KCNT2: variants seen among roughly 807,000 people sequenced by gnomAD.
KCNT2 encodes the protein potassium sodium-activated channel subfamily T member 2, also known as potassium channel subfamily T member 2.
A neutral mutation model predicts 153.8 loss-of-function variants in KCNT2; 67 were observed. That is an observed-to-expected ratio of 0.44 (90% CI 0.36 to 0.53). The LOEUF (loss-of-function observed/expected upper bound fraction) is 0.53. KCNT2 is among the 20% of genes least tolerant of loss of function. The pLI, the probability that KCNT2 is intolerant of heterozygous loss-of-function variation, is 0.00. For missense variants in KCNT2, 975 were observed against 1,354.8 expected, an observed-to-expected ratio of 0.72 and a Z score of 4.40; for synonymous variants, 500 against 458.8, an observed-to-expected ratio of 1.09 and a Z score of -1.15.
intron 7 of KCNT2, 104 bp downstream of exon 7, chr1:196,467,599 T>C (rs576499451): frequency 3.2e-6 from 2 of 631,202 alleles, no homozygotes; most frequent in African/African-American, 3.6e-5. Flanking sequence ...AATTAGAAAG[T>C]TCAAGACTAG....
intron 13 of KCNT2, among the ~76,000 whole-genome samples, chr1:196,373,755 G>A (rs925538155): frequency 2.6e-5 from 4 of 151,766 alleles, no homozygotes; most frequent in Admixed American, 1.3e-4. Context: ...TAGCATAGAA[G>A]AAATATATTT....
chr1:196,252,931 A>G (rs1443554404), intron 26 of KCNT2, among the ~76,000 whole-genome samples: 1 of 151,282 alleles, frequency 6.6e-6, no homozygotes, highest in African/African-American at 2.4e-5. Flanking sequence ...CATTTTACCT[A>G]TATTCCTCAT....
chr1:196,561,218 A>T (rs1026596460), intron 1 of KCNT2, among the ~76,000 whole-genome samples: 6 of 151,850 alleles, frequency 4.0e-5, no homozygotes, highest in African/African-American at 1.4e-4. Context: ...ATTATATCCC[A>T]TAAATATATA....
chr1:196,600,537 T>TGTAA (rs1664607063), intron 1 of KCNT2, among the ~76,000 whole-genome samples: 1 of 152,144 alleles, frequency 6.6e-6, no homozygotes, highest in Non-Finnish European at 1.5e-5. Context: ...AAACTAATGA[T>TGTAA]GTAGTTTGGT....
At chr1:196,602,372 T>G (rs1664819521) in intron 1 of KCNT2, among the ~76,000 whole-genome samples, 1 of 152,198 alleles carries the variant, frequency 6.6e-6, no homozygotes, top group African/African-American at 2.4e-5. Context: ...TAAAAACAGA[T>G]GAACCATCAA....
chr1:196,354,940 A>G (rs562289458), intron 14 of KCNT2, among the ~76,000 whole-genome samples: 3 of 151,846 alleles, frequency 2.0e-5, no homozygotes, highest in Admixed American at 1.3e-4. Context: ...TGCTTTTACT[A>G]TCAATGTTAG....
rs137922718 is a variant in KCNT2, at chr1:196,301,776, G to A, written c.2595+3458C>T. Among the ~76,000 whole-genome samples the A allele has an allele frequency of 7.0e-4, 107 of 152,194 alleles. No individual in the cohort carries two copies. In the East Asian group the frequency reaches 0.019, roughly 27 times the overall value. On this transcript the variant is annotated intron_variant, in intron 22 of 27. Coordinates refer to ENST00000294725, the MANE Select transcript of KCNT2 (RefSeq NM_198503.5). ...TTATTTAGAGACATAGTCTCTCTCT[G>A]TCGCCCAGGCTGGAGTGCAATGGCA...
chr1:196,294,017 T>A (rs1318567935), intron 22 of KCNT2, among the ~76,000 whole-genome samples: 1 of 151,806 alleles, frequency 6.6e-6, no homozygotes, highest in Non-Finnish European at 1.5e-5. Context: ...ATAAAACACA[T>A]AACTGAGTCA....
intron 13 of KCNT2, among the ~76,000 whole-genome samples, chr1:196,378,768 T>G (rs954801523): frequency 2.7e-5 from 4 of 147,782 alleles, no homozygotes; most frequent in Non-Finnish European, 6.0e-5. Flanking sequence ...TAATATAATA[T>G]CTACTAAATC....
At chr1:196,487,100 A>G (rs1193026250) in intron 3 of KCNT2, among the ~76,000 whole-genome samples, 1 of 151,904 alleles carries the variant, frequency 6.6e-6, no homozygotes, top group Non-Finnish European at 1.5e-5. Context: ...TTGGCTCTTT[A>G]ATTAACATTC....
intron 3 of KCNT2, among the ~76,000 whole-genome samples, chr1:196,488,043 T>C (rs1168703733): frequency 6.6e-6 from 1 of 152,024 alleles, no homozygotes; most frequent in African/African-American, 2.4e-5. Flanking sequence ...AATCATTTAC[T>C]ACACATTATC....
At chr1:196,589,693 C>A (rs985028808) in intron 1 of KCNT2, among the ~76,000 whole-genome samples, 2 of 152,040 alleles carry the variant, frequency 1.3e-5, no homozygotes, top group African/African-American at 4.8e-5. Flanking sequence ...ACTACTGTTC[C>A]ACATTCTTGA....
At chr1:196,584,764 G>A (rs1383919492) in intron 1 of KCNT2, among the ~76,000 whole-genome samples, 1 of 152,074 alleles carries the variant, frequency 6.6e-6, no homozygotes, top group East Asian at 1.9e-4. Flanking sequence ...GACTCAGGAG[G>A]AAGTTAATTA....
At chr1:196,391,937 A>G (rs775787108) in intron 13 of KCNT2, among the ~76,000 whole-genome samples, 3 of 151,436 alleles carry the variant, frequency 2.0e-5, no homozygotes, top group Non-Finnish European at 3.0e-5. Context: ...CTGAATTTTA[A>G]AATACAGATT....
chr1:196,510,178 A>C (rs1681492687), intron 1 of KCNT2, among the ~76,000 whole-genome samples: 1 of 152,206 alleles, frequency 6.6e-6, no homozygotes, highest in Non-Finnish European at 1.5e-5. Flanking sequence ...GAATGTAGGA[A>C]GTTAAAAAGA....
chr1:196,568,984 A>G (rs1449687051), intron 1 of KCNT2, among the ~76,000 whole-genome samples: 1 of 152,146 alleles, frequency 6.6e-6, no homozygotes, highest in Non-Finnish European at 1.5e-5. Context: ...ATCCAGGACA[A>G]TGGATGAGGC....
chr1:196,397,293 TAATAAA>T (rs1436052437), intron 13 of KCNT2, among the ~76,000 whole-genome samples: 1 of 151,492 alleles, frequency 6.6e-6, no homozygotes, highest in African/African-American at 2.4e-5. Flanking sequence ...TCTTAAATAA[TAATAAA>T]AATAAGATAG....
intron 1 of KCNT2, among the ~76,000 whole-genome samples, chr1:196,580,304 G>A (rs1264647502): frequency 1.3e-5 from 2 of 152,154 alleles, no homozygotes; most frequent in African/African-American, 4.8e-5. Flanking sequence ...AGAAATGTGG[G>A]TACAGAATGA....
At chr1:196,564,307 G>A (rs938601743) in intron 1 of KCNT2, among the ~76,000 whole-genome samples, 2 of 151,770 alleles carry the variant, frequency 1.3e-5, no homozygotes, top group African/African-American at 4.8e-5. Flanking sequence ...GGAAGTAAAA[G>A]ACCTGTATCT....
Sources: gnomAD v4.1 joint callset for allele counts (sites outside exome capture counted in the v4.1 genomes callset) on GRCh38, gnomAD v4.1.1 for gene constraint, MANE v1.5 for transcripts, NCBI Gene and HGNC (gene_info 2026-07-23, HGNC 2026-07-21) for gene names.